The following SGCD variants were observed in gnomAD, a reference collection of about 807,000 sequenced individuals.
SGCD encodes delta-sarcoglycan.
SGCD carries 18 observed loss-of-function variants against 36.6 expected under a neutral mutation model. That is an observed-to-expected ratio of 0.49 (90% confidence interval 0.34 to 0.73). SGCD has a LOEUF of 0.73. Ranked by LOEUF, SGCD falls within the 30% of genes least tolerant of loss-of-function variation. The probability of loss-of-function intolerance (pLI) is 0.01; values close to 1 mark genes in which losing one functional copy is unlikely to be tolerated. For missense variants in SGCD, 387 were observed against 346.7 expected, an observed-to-expected ratio of 1.12 and a Z score of -0.92; for synonymous variants, 133 against 130.6, an observed-to-expected ratio of 1.02 and a Z score of -0.12.
At chr5:155,896,143 C>T (rs1240556316) in intron 1 of SGCD, among the ~76,000 whole-genome samples, 1 of 152,084 alleles carries the variant, frequency 6.6e-6, no homozygotes, top group Non-Finnish European at 1.5e-5. Flanking sequence ...TATTATATCT[C>T]TCTTGATTTT....
At chr5:156,684,111 C>A (rs1392990099) in intron 7 of SGCD, among the ~76,000 whole-genome samples, 2 of 152,226 alleles carry the variant, frequency 1.3e-5, no homozygotes, top group East Asian at 3.9e-4. Context: ...CATTAACAAA[C>A]ATTTGAATAA....
chr5:156,714,249 C>T (rs1370159425), intron 7 of SGCD, among the ~76,000 whole-genome samples: 1 of 152,206 alleles, frequency 6.6e-6, no homozygotes, highest in Non-Finnish European at 1.5e-5. Flanking sequence ...TGTTTCAGCT[C>T]TTCTTGTAAA....
intron 1 of SGCD, among the ~76,000 whole-genome samples, chr5:155,930,620 G>A (rs1757081022): frequency 6.6e-6 from 1 of 152,068 alleles, no homozygotes; most frequent in African/African-American, 2.4e-5. Context: ...TGGGAGTAGG[G>A]TCCTCTTTTA....
At chr5:156,262,898 GGTGT>G (rs66684897) in intron 3 of SGCD, among the ~76,000 whole-genome samples, 2,052 of 147,798 alleles carry the variant, frequency 0.014, 19 homozygotes, top group Non-Finnish European at 0.022. Context: ...AGTATTCCAT[GGTGT>G]GTGTGTGTGT....
intron 1 of SGCD, among the ~76,000 whole-genome samples, chr5:155,954,535 AC>A (rs1757608440): frequency 6.6e-6 from 1 of 151,578 alleles, no homozygotes; most frequent in Admixed American, 6.6e-5. Flanking sequence ...AAGGATAAAA[AC>A]TATCATTATG....
chr5:155,971,849 A>C (rs552859697), intron 1 of SGCD, among the ~76,000 whole-genome samples: 2 of 152,254 alleles, frequency 1.3e-5, no homozygotes, highest in South Asian at 4.1e-4. Flanking sequence ...CTTGTGGATA[A>C]ATTTTGTTTA....
chr5:156,201,569 C>T, intron 3 of SGCD, among the ~76,000 whole-genome samples: 1 of 151,884 alleles, frequency 6.6e-6, no homozygotes, highest in East Asian at 1.9e-4. Flanking sequence ...AATTTGCCAA[C>T]ATCATAGGAC....
chr5:156,609,514 T>G (rs1323100318), intron 6 of SGCD, among the ~76,000 whole-genome samples: 1 of 152,200 alleles, frequency 6.6e-6, no homozygotes, highest in African/African-American at 2.4e-5. Context: ...AATCTGACAA[T>G]TATGTGTCTT....
At chr5:156,708,962 G>C (rs1416301531) in intron 7 of SGCD, among the ~76,000 whole-genome samples, 3 of 152,160 alleles carry the variant, frequency 2.0e-5, no homozygotes, top group Non-Finnish European at 4.4e-5. Context: ...TATTTTAGCA[G>C]GGCTTGTTAC....
At chr5:155,783,020 C>T in the SGCD span, among the ~76,000 whole-genome samples, 1 of 152,090 alleles carries the variant, frequency 6.6e-6, no homozygotes, top group African/African-American at 2.4e-5. Context: ...TCAGAGGATT[C>T]ATCTGGAACT....
intron 7 of SGCD, among the ~76,000 whole-genome samples, chr5:156,720,724 T>A (rs1386828554): frequency 6.6e-6 from 1 of 152,082 alleles, no homozygotes; most frequent in Non-Finnish European, 1.5e-5. Context: ...CCCAAAGAAA[T>A]CTTTATTTTC....
intron 2 of SGCD, among the ~76,000 whole-genome samples, chr5:156,338,576 A>T (rs1467592809): frequency 6.6e-6 from 1 of 152,170 alleles, no homozygotes; most frequent in African/African-American, 2.4e-5. Context: ...GATATTAAAG[A>T]TCTGTCGAAA....
chr5:156,136,570 G>A (rs1762463689), intron 3 of SGCD, among the ~76,000 whole-genome samples: 1 of 152,114 alleles, frequency 6.6e-6, no homozygotes, highest in Non-Finnish European at 1.5e-5. Flanking sequence ...TGATATAGAG[G>A]GAATTGTGAC....
chr5:155,820,280 T>A, the SGCD span, among the ~76,000 whole-genome samples: 1 of 152,180 alleles, frequency 6.6e-6, no homozygotes, highest in African/African-American at 2.4e-5. Flanking sequence ...TTTCTGAGTT[T>A]GGCTTCTCAA....
intron 3 of SGCD, among the ~76,000 whole-genome samples, chr5:156,489,084 T>C (rs1305579916): frequency 6.6e-6 from 1 of 152,160 alleles, no homozygotes; most frequent in East Asian, 1.9e-4. Flanking sequence ...TTTTCTTATA[T>C]CAGATAAAAC....
intron 3 of SGCD, among the ~76,000 whole-genome samples, chr5:156,379,635 C>T (rs1056389590): frequency 6.6e-6 from 1 of 152,032 alleles, no homozygotes; most frequent in African/African-American, 2.4e-5. Flanking sequence ...ATCTGTCTGG[C>T]TGCTGTAATG....
intron 3 of SGCD, among the ~76,000 whole-genome samples, chr5:156,312,272 A>C (rs1320743666): frequency 6.6e-6 from 1 of 152,208 alleles, no homozygotes; most frequent in East Asian, 1.9e-4. Flanking sequence ...GCAGGGCCAC[A>C]GTTCTCAGAT....
chr5:155,957,773 C>T (rs948004410), intron 1 of SGCD, among the ~76,000 whole-genome samples: 2 of 152,260 alleles, frequency 1.3e-5, no homozygotes, highest in South Asian at 4.1e-4. Flanking sequence ...ATTCCATCTG[C>T]TCCCTTAGTT....
the SGCD span, among the ~76,000 whole-genome samples, chr5:155,811,504 G>A: frequency 6.6e-6 from 1 of 152,304 alleles, no homozygotes; most frequent in Non-Finnish European, 1.5e-5. Context: ...ATCTTGCTGT[G>A]ATAATTTTGT....
Sources: allele counts gnomAD v4.1 joint callset (sites outside exome capture counted in the v4.1 genomes callset), GRCh38; gene constraint gnomAD v4.1.1; transcripts MANE v1.5; gene names NCBI Gene and HGNC (gene_info 2026-07-23, HGNC 2026-07-21).